ARHGAP28: variants seen among roughly 807,000 people sequenced by gnomAD.
The protein encoded by ARHGAP28 is rho GTPase-activating protein 28.
Under a neutral mutation model 90.7 loss-of-function variants are expected in ARHGAP28, and 56 were observed. The observed-to-expected ratio is 0.62, with a 90% CI of 0.50 to 0.77. The LOEUF (loss-of-function observed/expected upper bound fraction) is 0.77. Ranked by LOEUF, ARHGAP28 falls within the 30% of genes least tolerant of loss-of-function variation. The probability of loss-of-function intolerance (pLI) is 0.00; values close to 1 mark genes in which losing one functional copy is unlikely to be tolerated. For missense variants in ARHGAP28, 869 were observed against 900.9 expected (o/e 0.96, Z 0.45); for synonymous variants, 308 against 323.3 (o/e 0.95, Z 0.51).
At chr18:6,895,438 A>G (rs1449231878) in intron 15 of ARHGAP28, among the ~76,000 whole-genome samples, 2 of 152,224 alleles carry the variant, frequency 1.3e-5, no homozygotes, top group African/African-American at 4.8e-5. Context: ...GCATAAAACA[A>G]TAGACATTTA....
intron 12 of ARHGAP28, among the ~76,000 whole-genome samples, chr18:6,887,855 T>C (rs1216276512): frequency 6.6e-6 from 1 of 152,236 alleles, no homozygotes; most frequent in Non-Finnish European, 1.5e-5. Flanking sequence ...TAGAACAATG[T>C]CATAAGTCAA....
At chr18:6,814,632 A>G (rs1278156926) in intron 1 of ARHGAP28, among the ~76,000 whole-genome samples, 2 of 152,186 alleles carry the variant, frequency 1.3e-5, no homozygotes, top group Non-Finnish European at 2.9e-5. Context: ...GTAAATTCTT[A>G]GATGATGCTG....
rs1261173089 is a variant in ARHGAP28, at chr18:6,731,262, GACTA to G, written c.122+1325_122+1328del. Among the ~76,000 whole-genome samples the G allele has an allele frequency of 1.9e-3, 286 of 151,230 alleles. 1 individual carries two copies. The highest frequency in any genetic ancestry group is 1.2e-3 in the East Asian group (6 of 5,114). ...TATTGGCTGTAAGTACTCAGATTATGACTAACTAAATAAATATATATATGTGTGC... is the reference window on the plus strand; with the variant it reads ...TATTGGCTGTAAGTACTCAGATTATGACTAAATAAATATATATATGTGTGC... On this transcript the variant is annotated intron_variant, in intron 1 of 17. Transcript: ENST00000383472.
At position 6,737,755 on chromosome 18, in the gene ARHGAP28, A is replaced by AATACACTTG. The variant is rs1269545452; in HGVS notation, c.122+7813_122+7814insTACACTTGA. On this transcript the variant is annotated intron_variant, in intron 1 of 17. Coordinates refer to ENST00000383472, the MANE Select transcript of ARHGAP28 (RefSeq NM_001366230.1). ...AGGCTGTGCATCAAAACAAAATACT[A>AATACACTTG]AAGTGTACAAAAACTTCAAGTTGCA... Among the ~76,000 whole-genome samples the AATACACTTG allele has an allele frequency of 3.3e-5, 5 of 152,340 alleles. No individual in the cohort carries two copies. The East Asian group carries it at 9.6e-4, about 29-fold the overall frequency.
At position 6,910,111 on chromosome 18, in the gene ARHGAP28, C is replaced by A. The variant is rs189579659; in HGVS notation, c.2095+1087C>A. On this transcript the variant is annotated intron_variant, in intron 17 of 17. Transcript: ENST00000383472. ...GCCCCTCAGCACTTCACCAGAATCACCCTCTTGTCATGGTCACCAGACAAC... is the reference window on the plus strand; with the variant it reads ...GCCCCTCAGCACTTCACCAGAATCAACCTCTTGTCATGGTCACCAGACAAC... Among the ~76,000 whole-genome samples the A allele has an allele frequency of 9.8e-5, 15 of 152,310 alleles. No homozygotes were observed. The East Asian group carries it at 2.9e-3, about 29-fold the overall frequency.
chr18:6,815,684 T>C (rs1041330448), intron 1 of ARHGAP28, among the ~76,000 whole-genome samples: 4 of 152,194 alleles, frequency 2.6e-5, no homozygotes, highest in African/African-American at 9.6e-5. Flanking sequence ...AGCACACACA[T>C]ACACACACAC....
chr18:6,853,533 C>T (rs546322078), intron 4 of ARHGAP28, among the ~76,000 whole-genome samples: 4 of 151,138 alleles, frequency 2.6e-5, no homozygotes, highest in Admixed American at 2.0e-4. Context: ...AGTGCAATGA[C>T]GTGATCTCGG....
At chr18:6,733,496 T>C (rs1172505129) in intron 1 of ARHGAP28, among the ~76,000 whole-genome samples, 2 of 152,188 alleles carry the variant, frequency 1.3e-5, no homozygotes, top group Non-Finnish European at 2.9e-5. Flanking sequence ...TGAGGATGGA[T>C]AGACTTGCTT....
intron 1 of ARHGAP28, among the ~76,000 whole-genome samples, chr18:6,784,471 A>C (rs974626596): frequency 1.3e-5 from 2 of 152,040 alleles, no homozygotes; most frequent in African/African-American, 4.8e-5. Context: ...CCTGTCTCCA[A>C]CCACCTTCCT....
intron 1 of ARHGAP28, among the ~76,000 whole-genome samples, chr18:6,808,100 G>A (rs532342017): frequency 6.6e-5 from 10 of 152,058 alleles, no homozygotes; most frequent in South Asian, 4.2e-4. Flanking sequence ...ACTCCATCTC[G>A]GCTGGAAGCT....
chr18:6,873,777 T>C lies in ARHGAP28; in HGVS notation c.1212+2T>C, dbSNP rs1168176735. The C allele has an allele frequency of 6.2e-7, 1 of 1,612,340 alleles. No homozygotes were observed. The highest frequency in any genetic ancestry group is 2.2e-5 in the East Asian group (1 of 44,862). ...AAAGTTCCCCTGGTATTACAAAAAG[T>C]GAGTAGCAGGCAAATGAAAGGGGAA... On this transcript the variant is annotated splice_donor_variant, in intron 9 of 17. Transcript: ENST00000383472. LOFTEE classifies it high-confidence loss of function.
intron 1 of ARHGAP28, among the ~76,000 whole-genome samples, chr18:6,731,028 T>C (rs1246191617): frequency 6.6e-6 from 1 of 152,226 alleles, no homozygotes; most frequent in African/African-American, 2.4e-5. Flanking sequence ...CAAAGTACAT[T>C]GGCAAGAGAT....
At position 6,797,372 on chromosome 18, in the gene ARHGAP28, C is replaced by T. The variant is rs148204351; in HGVS notation, c.123-27390C>T. 5.5e-4 allele frequency among the ~76,000 whole-genome samples: 84 copies of T among 152,298 alleles called. 1 individual carries two copies. Among genetic ancestry groups the T allele is most frequent in the African/African-American group, 2.0e-3 (82 of 41,568 alleles). On this transcript the variant is annotated intron_variant, in intron 1 of 17. Transcript: ENST00000383472. ...TTCCGCCTTCTGGAGGCCGCGTAGTCTGAGCATCTGTCTTCGCTTCAGAAC... is the reference window on the plus strand; with the variant it reads ...TTCCGCCTTCTGGAGGCCGCGTAGTTTGAGCATCTGTCTTCGCTTCAGAAC...
At chr18:6,829,766 G>T (rs1025699668) in intron 2 of ARHGAP28, among the ~76,000 whole-genome samples, 2 of 152,300 alleles carry the variant, frequency 1.3e-5, no homozygotes, top group African/African-American at 4.8e-5. Context: ...ATAGTTTTGA[G>T]ATTCTAGTGG....
chr18:6,850,958 G>A (rs2056905637), intron 3 of ARHGAP28, 76 bp from the exon 4 acceptor site: 1 of 1,582,796 alleles, frequency 6.3e-7, no homozygotes, highest in African/African-American at 1.4e-5. Context: ...AAACTCTAGT[G>A]TAATGCATGT....
chr18:6,749,274 A>C (rs183935036), intron 1 of ARHGAP28, among the ~76,000 whole-genome samples: 1 of 152,224 alleles, frequency 6.6e-6, no homozygotes, highest in Non-Finnish European at 1.5e-5. Flanking sequence ...AGCATATCTT[A>C]TAGGAAAGTT....
At chr18:6,806,831 T>C (rs774713973) in intron 1 of ARHGAP28, among the ~76,000 whole-genome samples, 12 of 152,092 alleles carry the variant, frequency 7.9e-5, no homozygotes, top group Admixed American at 6.6e-5. Flanking sequence ...CATTTTTATG[T>C]CTGAAAAAAA....
intron 7 of ARHGAP28, among the ~76,000 whole-genome samples, chr18:6,871,986 A>G (rs536445912): frequency 3.9e-5 from 6 of 152,230 alleles, no homozygotes; most frequent in Non-Finnish European, 2.9e-5. Flanking sequence ...AGTGGGAAGC[A>G]GAAATAGGAT....
intron 1 of ARHGAP28, among the ~76,000 whole-genome samples, chr18:6,755,177 C>CA (rs1046492462): frequency 4.6e-5 from 7 of 151,392 alleles, no homozygotes; most frequent in African/African-American, 1.7e-4. Flanking sequence ...TGTCTTAAAG[C>CA]AAAAAAAGAA....
Sources: gnomAD v4.1 joint callset for allele counts (sites outside exome capture counted in the v4.1 genomes callset) on GRCh38, gnomAD v4.1.1 for gene constraint, MANE v1.5 for transcripts, NCBI Gene and HGNC (gene_info 2026-07-23, HGNC 2026-07-21) for gene names.